The following MAD1L1 variants were observed in gnomAD, a reference collection of about 807,000 sequenced individuals.
MAD1L1 encodes the protein mitotic spindle assembly checkpoint protein MAD1.
In MAD1L1, 95 loss-of-function variants were observed where a neutral mutation model predicts 96.9. The observed-to-expected ratio is 0.98, with a 90% CI of 0.83 to 1.16. The LOEUF (loss-of-function observed/expected upper bound fraction) is 1.16. Ranked by LOEUF, MAD1L1 falls within the 50% of genes most tolerant of loss-of-function variation. The probability of loss-of-function intolerance (pLI) is 0.00; values close to 1 mark genes in which losing one functional copy is unlikely to be tolerated. For synonymous variants in MAD1L1, 473 were observed against 396.6 expected, an observed-to-expected ratio of 1.19 and a Z score of -2.29; for missense variants, 1,007 against 954.4, an observed-to-expected ratio of 1.06 and a Z score of -0.73.
intron 12 of MAD1L1, among the ~76,000 whole-genome samples, chr7:2,020,259 G>T (rs1357679395): frequency 1.3e-5 from 2 of 152,192 alleles, no homozygotes; most frequent in African/African-American, 4.8e-5. Flanking sequence ...ATGATCGGGG[G>T]GGGCACTAAC....
chr7:2,144,130 C>A (rs548748167), intron 11 of MAD1L1, among the ~76,000 whole-genome samples: 1 of 152,212 alleles, frequency 6.6e-6, no homozygotes, highest in African/African-American at 2.4e-5. Flanking sequence ...CAGGCCTGGA[C>A]GCACGTCCTG....
intron 11 of MAD1L1, among the ~76,000 whole-genome samples, chr7:2,120,308 A>T (rs2128560758): frequency 6.6e-6 from 1 of 152,318 alleles, no homozygotes; most frequent in Non-Finnish European, 1.5e-5. Context: ...AGTCTGACCC[A>T]GCTCAACACC....
At chr7:2,039,629 T>A (rs1162272183) in intron 12 of MAD1L1, among the ~76,000 whole-genome samples, 7 of 152,210 alleles carry the variant, frequency 4.6e-5, no homozygotes, top group Non-Finnish European at 1.0e-4. Flanking sequence ...TCCACGGGCT[T>A]AACTGTCATC....
intron 15 of MAD1L1, among the ~76,000 whole-genome samples, chr7:1,974,803 C>T (rs532077518): frequency 9.8e-5 from 15 of 152,368 alleles, no homozygotes; most frequent in Non-Finnish European, 1.3e-4. Flanking sequence ...CCCAATGCAG[C>T]GCACAGAGCA....
At chr7:1,965,296 T>C (rs921089088) in intron 15 of MAD1L1, among the ~76,000 whole-genome samples, 5 of 152,214 alleles carry the variant, frequency 3.3e-5, no homozygotes, top group Admixed American at 1.3e-4. Context: ...CAGGCTTGTT[T>C]GTCATAAAGA....
chr7:2,049,831 G>A (rs893993254), intron 12 of MAD1L1, among the ~76,000 whole-genome samples: 5 of 149,130 alleles, frequency 3.4e-5, no homozygotes, highest in Non-Finnish European at 5.9e-5. Flanking sequence ...CACCATCTGC[G>A]GGCACCAGAC....
intron 14 of MAD1L1, among the ~76,000 whole-genome samples, chr7:1,983,154 GCACACACACA>G (rs976027470): frequency 1.6e-3 from 51 of 31,490 alleles, no homozygotes; most frequent in African/African-American, 6.1e-3. Context: ...GCGCGCGCGC[GCACACACACA>G]CACACACACA....
intron 14 of MAD1L1, 93 bp downstream of exon 14, chr7:2,001,972 G>T: frequency 7.5e-7 from 1 of 1,337,072 alleles, no homozygotes. Context: ...ATGCACTGGC[G>T]CCTGCAGCCT....
intron 10 of MAD1L1, among the ~76,000 whole-genome samples, chr7:2,192,378 C>T (rs1267563951): frequency 6.6e-6 from 1 of 152,142 alleles, no homozygotes; most frequent in African/African-American, 2.4e-5. Context: ...GTGATCCACC[C>T]ACCTCGGCCT....
At chr7:2,102,168 A>T (rs900522813) in intron 11 of MAD1L1, among the ~76,000 whole-genome samples, 1 of 151,582 alleles carries the variant, frequency 6.6e-6, no homozygotes, top group African/African-American at 2.4e-5. Context: ...CATCACCAAC[A>T]CTGCCACTGT....
chr7:2,010,843 G>A (rs912385413), intron 13 of MAD1L1, among the ~76,000 whole-genome samples: 1 of 152,098 alleles, frequency 6.6e-6, no homozygotes, highest in Non-Finnish European at 1.5e-5. Context: ...CGCAGGGCCG[G>A]GCAAGCTTCC....
At chr7:1,961,521 G>A (rs1479714125) in intron 15 of MAD1L1, among the ~76,000 whole-genome samples, 1 of 152,212 alleles carries the variant, frequency 6.6e-6, no homozygotes, top group Non-Finnish European at 1.5e-5. Context: ...ACAACTGGGT[G>A]TTCTTGGGGG....
At chr7:2,013,907 C>A (rs1197874442) in intron 13 of MAD1L1, among the ~76,000 whole-genome samples, 1 of 152,212 alleles carries the variant, frequency 6.6e-6, no homozygotes, top group Non-Finnish European at 1.5e-5. Context: ...GGGCACGGAG[C>A]GTCACGGTGG....
At chr7:1,862,491 G>A (rs1257981091) in intron 18 of MAD1L1, among the ~76,000 whole-genome samples, 2 of 152,164 alleles carry the variant, frequency 1.3e-5, no homozygotes, top group Non-Finnish European at 1.5e-5. Context: ...GGCCGACCTG[G>A]ATCCCTCCCT....
chr7:2,121,416 G>A (rs968768871), intron 11 of MAD1L1, among the ~76,000 whole-genome samples: 29 of 152,296 alleles, frequency 1.9e-4, no homozygotes, highest in African/African-American at 6.3e-4. Flanking sequence ...GGAGCCTCCC[G>A]GGCAGTGGCA....
At chr7:2,057,759 C>T (rs1227846673) in intron 12 of MAD1L1, among the ~76,000 whole-genome samples, 1 of 152,166 alleles carries the variant, frequency 6.6e-6, no homozygotes, top group Non-Finnish European at 1.5e-5. Flanking sequence ...GGTAGGCCTT[C>T]GTGACAAAGA....
intron 15 of MAD1L1, among the ~76,000 whole-genome samples, chr7:1,970,826 T>C (rs144250305): frequency 7.2e-5 from 11 of 152,262 alleles, no homozygotes; most frequent in Middle Eastern, 3.4e-3. Context: ...AAGAAGTGCA[T>C]CCACTTTTAT....
chr7:2,026,716 A>C (rs761456159), intron 12 of MAD1L1, among the ~76,000 whole-genome samples: 1 of 152,206 alleles, frequency 6.6e-6, no homozygotes, highest in Non-Finnish European at 1.5e-5. Context: ...AAAAATCACA[A>C]TGGAAATTGA....
intron 10 of MAD1L1, among the ~76,000 whole-genome samples, chr7:2,185,259 A>C (rs1179623197): frequency 2.0e-5 from 3 of 152,162 alleles, no homozygotes; most frequent in Non-Finnish European, 2.9e-5. Flanking sequence ...TTTAAGAATA[A>C]ACACAGTACA....
Sources: gnomAD v4.1 joint callset for allele counts (sites outside exome capture counted in the v4.1 genomes callset) on GRCh38, gnomAD v4.1.1 for gene constraint, MANE v1.5 for transcripts, NCBI Gene and HGNC (gene_info 2026-07-23, HGNC 2026-07-21) for gene names.